ZFAND3: variants seen among roughly 807,000 people sequenced by gnomAD.
ZFAND3 encodes zinc finger AN1-type containing 3.
A neutral mutation model predicts 29.6 loss-of-function variants in ZFAND3; 10 were observed. The observed-to-expected ratio is 0.34, with a 90% CI of 0.21 to 0.57. The LOEUF is 0.57. ZFAND3 is among the 20% of genes least tolerant of loss of function. The pLI is 0.86. For missense variants in ZFAND3, 230 were observed against 304.5 expected, an observed-to-expected ratio of 0.76 and a Z score of 1.82; for synonymous variants, 128 against 112.6, an observed-to-expected ratio of 1.14 and a Z score of -0.87.
chr6:37,955,871 G>GATTC (rs1762078554), intron 2 of ZFAND3, among the ~76,000 whole-genome samples: 1 of 152,174 alleles, frequency 6.6e-6, no homozygotes, highest in Non-Finnish European at 1.5e-5. Flanking sequence ...TTCTTGATGG[G>GATTC]AATCATATGT....
intron 5 of ZFAND3, among the ~76,000 whole-genome samples, chr6:38,147,248 C>T (rs1187769111): frequency 6.6e-6 from 1 of 152,170 alleles, no homozygotes; most frequent in African/African-American, 2.4e-5. Context: ...GGGATATTTG[C>T]CTTTGTGTGC....
At chr6:38,108,948 T>A (rs1054129765) in intron 4 of ZFAND3, among the ~76,000 whole-genome samples, 1 of 152,184 alleles carries the variant, frequency 6.6e-6, no homozygotes, top group Non-Finnish European at 1.5e-5. Flanking sequence ...ATGTTTGAAA[T>A]TTTTAAATTT....
chr6:38,118,764 G>GAAAA (rs60723647), intron 5 of ZFAND3, among the ~76,000 whole-genome samples: 106 of 139,696 alleles, frequency 7.6e-4, no homozygotes, highest in African/African-American at 2.6e-3. Context: ...TGAAAAAAAA[G>GAAAA]AAAAAAAAAA....
At chr6:37,950,049 T>C (rs1265175837) in intron 2 of ZFAND3, among the ~76,000 whole-genome samples, 1 of 152,212 alleles carries the variant, frequency 6.6e-6, no homozygotes, top group East Asian at 1.9e-4. Flanking sequence ...GGGTGCATAG[T>C]TGGCAAATAT....
intron 1 of ZFAND3, among the ~76,000 whole-genome samples, chr6:37,920,279 A>G (rs1463472732): frequency 6.6e-6 from 1 of 151,806 alleles, no homozygotes; most frequent in Non-Finnish European, 1.5e-5. Flanking sequence ...TCTTATGTGG[A>G]AAAATTATTT....
rs17649581 is a variant in ZFAND3, at chr6:38,082,396, G to T, written c.300G>T (p.Gly100=). Residue 100 remains glycine, a synonymous_variant, in exon 4 of 6, where the codon GGG becomes GGT. Coordinates refer to ENST00000287218, the MANE Select transcript of ZFAND3 (RefSeq NM_021943.3). The part of the protein sequence containing the change: ...NVTSPSKEEC[G]PCTDTAHVSL... ...CACCTGCCTTTCTGTTTCTAGGTGG[G>T]CCATGCACAGACACAGCTCATGTCT... The T allele has an allele frequency of 6.2e-7, 1 of 1,611,364 alleles. No homozygotes were observed. Among genetic ancestry groups the T allele is most frequent in the Admixed American group, 1.7e-5 (1 of 59,704 alleles).
At chr6:38,020,355 A>AT (rs888651813) in intron 2 of ZFAND3, among the ~76,000 whole-genome samples, 29 of 152,032 alleles carry the variant, frequency 1.9e-4, no homozygotes, top group Middle Eastern at 3.4e-3. Context: ...ATAATTAAAA[A>AT]TTTTTTTTTA....
At chr6:37,930,091 A>C in intron 2 of ZFAND3, 92 bp downstream of exon 2, 2 of 1,264,166 alleles carry the variant, frequency 1.6e-6, no homozygotes, top group Non-Finnish European at 1.1e-6. Context: ...TTTGACCCTA[A>C]AGGATTTATG....
intron 2 of ZFAND3, among the ~76,000 whole-genome samples, chr6:37,935,240 A>G (rs1761677386): frequency 6.6e-6 from 1 of 152,168 alleles, no homozygotes; most frequent in African/African-American, 2.4e-5. Flanking sequence ...CTGGGACATG[A>G]GTTATCAATT....
intron 4 of ZFAND3, among the ~76,000 whole-genome samples, chr6:38,100,508 A>G (rs1765071047): frequency 6.6e-6 from 1 of 152,240 alleles, no homozygotes; most frequent in Admixed American, 6.5e-5. Context: ...GACAAGTGAA[A>G]GTCTGTGAGT....
intron 1 of ZFAND3, among the ~76,000 whole-genome samples, chr6:37,926,065 A>C (rs972560697): frequency 6.6e-6 from 1 of 152,198 alleles, no homozygotes; most frequent in African/African-American, 2.4e-5. Flanking sequence ...GAGCAGTAGC[A>C]AAGGTGGCTA....
At chr6:37,851,044 C>CTT (rs574230972) in intron 1 of ZFAND3, among the ~76,000 whole-genome samples, 35 of 142,522 alleles carry the variant, frequency 2.5e-4, no homozygotes, top group Non-Finnish European at 4.5e-4. Context: ...CCTCTTGCCT[C>CTT]TTTTTTTTTT....
At chr6:38,008,666 T>C (rs1400480063) in intron 2 of ZFAND3, among the ~76,000 whole-genome samples, 1 of 152,182 alleles carries the variant, frequency 6.6e-6, no homozygotes, top group Non-Finnish European at 1.5e-5. Context: ...CTCTCTCATC[T>C]TCTTCCCTTT....
rs189441028 is a variant in ZFAND3 at position 38,106,868 on chromosome 6, G to A, written c.362-9704G>A. Among the ~76,000 whole-genome samples, 139 of 152,280 alleles carry A rather than the reference G, an allele frequency of 9.1e-4. 1 individual carries two copies. Among genetic ancestry groups the A allele is most frequent in the Middle Eastern group, 3.4e-3 (1 of 294 alleles). ...GGCTGTTGTCATGGCCCTGGACAGA[G>A]TAGACATTAATCGAGAAGCCTATAT... On this transcript the variant is annotated intron_variant, in intron 4 of 5. Transcript: ENST00000287218.
chr6:37,966,651 G>A (rs1012405503), intron 2 of ZFAND3, among the ~76,000 whole-genome samples: 13 of 151,764 alleles, frequency 8.6e-5, no homozygotes, highest in Non-Finnish European at 1.8e-4. Context: ...AGAAGAAGTT[G>A]CCAGCTTGAT....
chr6:37,927,337 T>C (rs1341126280), intron 1 of ZFAND3, among the ~76,000 whole-genome samples: 1 of 152,220 alleles, frequency 6.6e-6, no homozygotes, highest in East Asian at 1.9e-4. Flanking sequence ...GCAGAAGTTA[T>C]ATGAGTTATA....
rs554465524 is a variant in ZFAND3 at position 37,983,530 on chromosome 6, T to C, written c.112+53531T>C. 1.7e-3 allele frequency among the ~76,000 whole-genome samples: 256 copies of C among 152,072 alleles called. 2 individuals are homozygous for C. The highest frequency in any genetic ancestry group is 6.8e-3 in the Middle Eastern group (2 of 294). On this transcript the variant is annotated intron_variant, in intron 2 of 5. Coordinates refer to ENST00000287218, the MANE Select transcript of ZFAND3 (RefSeq NM_021943.3). The stretch of plus-strand genomic sequence containing the variant: ...ATGAACCACCACACCCGGCTAATTT[T>C]GTATTTTTAGTAGAGATGGAGTTCC...
chr6:38,081,403 G>A (rs1251562094), intron 3 of ZFAND3, among the ~76,000 whole-genome samples: 4 of 151,820 alleles, frequency 2.6e-5, no homozygotes, highest in South Asian at 2.1e-4. Flanking sequence ...CATGAATCTC[G>A]GCACTATACA....
intron 5 of ZFAND3, among the ~76,000 whole-genome samples, chr6:38,124,732 G>A (rs1162510105): frequency 2.0e-5 from 3 of 152,080 alleles, no homozygotes; most frequent in African/African-American, 7.2e-5. Context: ...GAGGGAGCTG[G>A]CTCTGGCCTC....
Sources: gnomAD v4.1 joint callset for allele counts (sites outside exome capture counted in the v4.1 genomes callset) on GRCh38, gnomAD v4.1.1 for gene constraint, MANE v1.5 for transcripts, NCBI Gene and HGNC (gene_info 2026-07-23, HGNC 2026-07-21) for gene names.